KRABD5: variants seen among roughly 807,000 people sequenced by gnomAD.
KRABD5 encodes the protein KRAB domain containing 5.
At chr16:31,745,112 T>C in the KRABD5 span, among the ~76,000 whole-genome samples, 2 of 152,204 alleles carry the variant, frequency 1.3e-5, no homozygotes, top group Admixed American at 6.5e-5. Context: ...TTCATGTCTC[T>C]ATCTCCTTCA....
chr16:31,734,705 C>T, the KRABD5 span, among the ~76,000 whole-genome samples: 1 of 152,018 alleles, frequency 6.6e-6, no homozygotes, highest in Admixed American at 6.6e-5. Flanking sequence ...TCTCTGGTAA[C>T]CACTGTTATA....
chr16:31,754,617 A>G, the KRABD5 span: 1 of 472,820 alleles, frequency 2.1e-6, no homozygotes, highest in Non-Finnish European at 4.2e-6. Context: ...TTTATTCAAG[A>G]GAAGTCTGCC....
At chr16:31,739,729 G>A in the KRABD5 span, among the ~76,000 whole-genome samples, 1 of 152,130 alleles carries the variant, frequency 6.6e-6, no homozygotes, top group African/African-American at 2.4e-5. Flanking sequence ...GCCATAAACT[G>A]GTCCCAAAAC....
the KRABD5 span, chr16:31,755,004 ATCT>A: frequency 3.2e-5 from 15 of 466,110 alleles, no homozygotes; most frequent in South Asian, 1.6e-4. Flanking sequence ...CATTCTTCAA[ATCT>A]TCTTGTGCAT....
chr16:31,724,446 G>A, the KRABD5 span, among the ~76,000 whole-genome samples: 1 of 151,810 alleles, frequency 6.6e-6, no homozygotes, highest in Non-Finnish European at 1.5e-5. Flanking sequence ...CCAGCACTTT[G>A]GGAGGCCGAT....
the KRABD5 span, chr16:31,754,420 T>C: frequency 1.1e-5 from 7 of 634,804 alleles, no homozygotes; most frequent in African/African-American, 1.3e-4. Context: ...GGCAGGACTA[T>C]ACCCTAAATA....
At chr16:31,753,292 C>G in the KRABD5 span, among the ~76,000 whole-genome samples, 2 of 152,144 alleles carry the variant, frequency 1.3e-5, no homozygotes, top group African/African-American at 2.4e-5. Context: ...GTTCTTGTAA[C>G]AAGCATTCAT....
At chr16:31,729,257 T>C in the KRABD5 span, among the ~76,000 whole-genome samples, 2 of 152,254 alleles carry the variant, frequency 1.3e-5, no homozygotes, top group Non-Finnish European at 2.9e-5. Context: ...AAATCCATTT[T>C]GTGCTGCTAT....
chr16:31,726,336 CT>C, the KRABD5 span, among the ~76,000 whole-genome samples: 99 of 152,158 alleles, frequency 6.5e-4, no homozygotes, highest in South Asian at 3.1e-3. Context: ...GTCTATATGT[CT>C]TTTTAGGTCA....
chr16:31,722,556 A>C, the KRABD5 span: 1 of 1,573,618 alleles, frequency 6.4e-7, no homozygotes, highest in East Asian at 2.3e-5. Context: ...CTCTTATTTC[A>C]TCTTGGTTTG....
At chr16:31,713,903 C>T in the KRABD5 span, among the ~76,000 whole-genome samples, 3 of 152,294 alleles carry the variant, frequency 2.0e-5, no homozygotes, top group South Asian at 2.1e-4. Flanking sequence ...GGTTTAGGGT[C>T]CTCTGGAGCA....
the KRABD5 span, among the ~76,000 whole-genome samples, chr16:31,731,856 A>G: frequency 6.6e-6 from 1 of 152,184 alleles, no homozygotes; most frequent in East Asian, 1.9e-4. Flanking sequence ...CAGTGTTGAC[A>G]GTTCTACATC....
chr16:31,737,367 A>T, the KRABD5 span, among the ~76,000 whole-genome samples: 1 of 152,246 alleles, frequency 6.6e-6, no homozygotes, highest in Non-Finnish European at 1.5e-5. Context: ...CAGGATACAA[A>T]ATCAACATAG....
the KRABD5 span, chr16:31,713,287 C>T: frequency 8.7e-7 from 1 of 1,150,052 alleles, no homozygotes; most frequent in South Asian, 1.4e-5. Flanking sequence ...AGAGCTCAGT[C>T]TCTTCACCAG....
chr16:31,722,134 G>A, the KRABD5 span, among the ~76,000 whole-genome samples: 1 of 152,132 alleles, frequency 6.6e-6, no homozygotes, highest in Non-Finnish European at 1.5e-5. Flanking sequence ...GAGTTCAGTG[G>A]TGCAATCTTG....
the KRABD5 span, among the ~76,000 whole-genome samples, chr16:31,752,479 A>G: frequency 6.6e-6 from 1 of 152,252 alleles, no homozygotes; most frequent in Admixed American, 6.5e-5. Context: ...GGTGTTTAGC[A>G]TGTGTAGGTA....
the KRABD5 span, chr16:31,713,442 G>A: frequency 3.1e-6 from 5 of 1,604,486 alleles, no homozygotes; most frequent in Middle Eastern, 3.3e-4. Flanking sequence ...AATGGTGAAT[G>A]TGCCAGGTCG....
At chr16:31,720,683 G>A in the KRABD5 span, among the ~76,000 whole-genome samples, 2 of 152,236 alleles carry the variant, frequency 1.3e-5, no homozygotes, top group South Asian at 2.1e-4. Context: ...CATTACAGTC[G>A]ATGCTAACTT....
At chr16:31,757,296 G>A in the KRABD5 span, 19,556 of 152,012 alleles carry the variant, frequency 0.13, 1,625 homozygotes, top group South Asian at 0.32. Context: ...GTGATATCTC[G>A]TCTCTACTGA....
Sources: gnomAD v4.1 joint callset for allele counts (sites outside exome capture counted in the v4.1 genomes callset) on GRCh38, gnomAD v4.1.1 for gene constraint, MANE v1.5 for transcripts, NCBI Gene and HGNC (gene_info 2026-07-23, HGNC 2026-07-21) for gene names.